PHACTR3: variants seen among roughly 807,000 people sequenced by gnomAD.
PHACTR3 encodes phosphatase and actin regulator 3.
A neutral mutation model predicts 66.8 loss-of-function variants in PHACTR3; 16 were observed. That is an observed-to-expected ratio of 0.24 (90% confidence interval 0.16 to 0.36). The LOEUF is 0.36. Ranked by LOEUF, PHACTR3 falls within the 10% of genes least tolerant of loss-of-function variation. The pLI is 1.00. For missense variants in PHACTR3, 647 were observed against 719.9 expected (o/e 0.90, Z 1.16); for synonymous variants, 323 against 292.1 (o/e 1.11, Z -1.08).
chr20:59,846,187 A>C (rs778117631), intron 12 of PHACTR3, among the ~76,000 whole-genome samples: 10 of 152,144 alleles, frequency 6.6e-5, no homozygotes, highest in Non-Finnish European at 1.0e-4. Flanking sequence ...TTAAACTAAA[A>C]TAATAGCTTT....
At chr20:59,626,175 C>T (rs1337328615) in intron 1 of PHACTR3, among the ~76,000 whole-genome samples, 1 of 152,214 alleles carries the variant, frequency 6.6e-6, no homozygotes, top group Non-Finnish European at 1.5e-5. Flanking sequence ...TTACTGGACA[C>T]CTGTTTTAAG....
At chr20:59,629,902 C>G (rs1376725757) in intron 1 of PHACTR3, among the ~76,000 whole-genome samples, 1 of 152,164 alleles carries the variant, frequency 6.6e-6, no homozygotes, top group Non-Finnish European at 1.5e-5. Flanking sequence ...CATTAAATGA[C>G]ACCCGTGGGT....
Position 59,820,354 on chromosome 20 carries a change from C to T in PHACTR3, c.1328+14160C>T, listed in dbSNP as rs1463424480. Among the ~76,000 whole-genome samples, 1 of 152,194 alleles carries T rather than the reference C, an allele frequency of 6.6e-6. No individual in the cohort carries two copies. Among genetic ancestry groups the T allele is most frequent in the Non-Finnish European group, 1.5e-5 (1 of 68,038 alleles). On this transcript the variant is annotated intron_variant, in intron 8 of 12. Coordinates refer to ENST00000371015, the MANE Select transcript of PHACTR3 (RefSeq NM_080672.5). The surrounding 1 kb of genome is among the most constrained non-coding windows in gnomAD (Gnocchi z 4.6). ...AGGGGCCTGGTAGTCCTGCAAAGGC[C>T]GGGGCAGGCAAGGCCAGCACGGATC...
rs1268242432 is a variant in PHACTR3, at chr20:59,723,046, TTCTTTCTTTCTTTC to T, written c.119-20045_119-20032del. On this transcript the variant is annotated intron_variant, in intron 1 of 12. Transcript: ENST00000371015. ...TTTTCTTTTTTATTTATTTCTCTTT[TTCTTTCTTTCTTTC>T]TCTTTCTTTCTTTCTTTCTTTCTTT... Among the ~76,000 whole-genome samples, 16 of 146,350 alleles carry T rather than the reference TTCTTTCTTTCTTTC, an allele frequency of 1.1e-4. 1 individual carries two copies. Among genetic ancestry groups the T allele is most frequent in the South Asian group, 4.4e-4 (2 of 4,542 alleles).
At chr20:59,760,315 C>T (rs941404819) in intron 4 of PHACTR3, among the ~76,000 whole-genome samples, 15 of 152,108 alleles carry the variant, frequency 9.9e-5, no homozygotes, top group Admixed American at 3.3e-4. Context: ...GTGTTTGGGG[C>T]GACTTTGCTT....
chr20:59,683,936 G>A (rs118103714), intron 1 of PHACTR3, among the ~76,000 whole-genome samples: 4,273 of 152,308 alleles, frequency 0.028, 78 homozygotes, highest in Middle Eastern at 0.065. Context: ...TCTGCTAGAG[G>A]TTGGGTTTGC....
In PHACTR3 at chr20:59,744,497, C is replaced by CG. The variant is rs1011837804; in HGVS notation, c.280+1235dup. 1.2e-4 allele frequency among the ~76,000 whole-genome samples: 19 copies of CG among 152,262 alleles called. 1 individual carries two copies. Among genetic ancestry groups the CG allele is most frequent in the Admixed American group, 1.0e-3 (16 of 15,292 alleles). On this transcript the variant is annotated intron_variant, in intron 2 of 12. Coordinates refer to ENST00000371015, the MANE Select transcript of PHACTR3 (RefSeq NM_080672.5). ...GAGTGCCCGTCTCAGGCTGTTGCCT[C>CG]GGGGGGTCCCTGGGGTCCCATTTCC... is the stretch of plus-strand genomic sequence containing the variant.
intron 1 of PHACTR3, among the ~76,000 whole-genome samples, chr20:59,620,071 A>G (rs1457436130): frequency 6.6e-6 from 1 of 152,098 alleles, no homozygotes; most frequent in Non-Finnish European, 1.5e-5. Flanking sequence ...CACTCACCCT[A>G]AACCCGGTGT....
chr20:59,701,026 A>G (rs2037489729), intron 1 of PHACTR3, among the ~76,000 whole-genome samples: 1 of 152,154 alleles, frequency 6.6e-6, no homozygotes, highest in Admixed American at 6.5e-5. Flanking sequence ...TCCTGGGCTC[A>G]TGTGATCCTC....
intron 1 of PHACTR3, among the ~76,000 whole-genome samples, chr20:59,702,562 G>A (rs11905083): frequency 0.043 from 6,558 of 152,254 alleles, 474 homozygotes; most frequent in African/African-American, 0.15. Context: ...TCTCTGAAGT[G>A]GCCTTGCCTG....
chr20:59,654,142 T>C (rs2035542855), intron 1 of PHACTR3, among the ~76,000 whole-genome samples: 1 of 152,218 alleles, frequency 6.6e-6, no homozygotes, highest in Admixed American at 6.5e-5. Flanking sequence ...AATCTGTGCC[T>C]TCAGATGGTA....
rs1043884472 is a variant in PHACTR3 at position 59,579,894 on chromosome 20, C to T, written c.109+2277C>T. Among the ~76,000 whole-genome samples, 23 of 152,058 alleles carry T rather than the reference C, an allele frequency of 1.5e-4. No homozygotes were observed. In the East Asian group the frequency reaches 1.6e-3, roughly 10 times the overall value. On this transcript the variant is annotated intron_variant, in intron 1 of 12. Transcript: ENST00000359926. ...TTTATGGGGGTGTGGAAGGCTTGGT[C>T]GGGGAGGAGGGAGACTGGCCGGAGG...
At chr20:59,598,455 G>A (rs1169341121) in intron 1 of PHACTR3, among the ~76,000 whole-genome samples, 1 of 152,174 alleles carries the variant, frequency 6.6e-6, no homozygotes, top group Non-Finnish European at 1.5e-5. Flanking sequence ...TGGGTCTGTG[G>A]CTCCTGCCCT....
intron 1 of PHACTR3, among the ~76,000 whole-genome samples, chr20:59,641,315 G>T (rs2045342758): frequency 6.6e-6 from 1 of 151,996 alleles, no homozygotes; most frequent in African/African-American, 2.4e-5. Context: ...TGTATTAGAA[G>T]GAATTGGCCT....
At chr20:59,810,416 G>A (rs776023447) in intron 8 of PHACTR3, among the ~76,000 whole-genome samples, 26 of 152,330 alleles carry the variant, frequency 1.7e-4, no homozygotes, top group Non-Finnish European at 2.8e-4. Context: ...AAACAGCAGC[G>A]GAGTAGCAGC....
In PHACTR3 at chr20:59,607,548, A is replaced by G. The variant is rs78540048; in HGVS notation, c.118+2416A>G. On this transcript the variant is annotated intron_variant, in intron 1 of 12. Coordinates refer to ENST00000371015, the MANE Select transcript of PHACTR3 (RefSeq NM_080672.5). ...TCCCCTGCAAAGGCATTTTTAATGC[A>G]TCAGTATTTGCAAAGACTCAAAGCA... Among the ~76,000 whole-genome samples the G allele has an allele frequency of 2.5e-3, 382 of 152,374 alleles. 3 individuals are homozygous for G. Among genetic ancestry groups the G allele is most frequent in the African/African-American group, 8.7e-3 (361 of 41,594 alleles).
intron 8 of PHACTR3, among the ~76,000 whole-genome samples, chr20:59,807,793 A>T (rs1485218009): frequency 6.6e-6 from 1 of 152,230 alleles, no homozygotes. Context: ...TATGTGTCGT[A>T]TATGTCGTGT....
At chr20:59,809,912 A>G (rs2041684364) in intron 8 of PHACTR3, among the ~76,000 whole-genome samples, 1 of 152,146 alleles carries the variant, frequency 6.6e-6, no homozygotes, top group Non-Finnish European at 1.5e-5. Flanking sequence ...GATGTGCTTT[A>G]TGGTTCGCAC....
chr20:59,582,887 G>C (rs765555773), intron 1 of PHACTR3, among the ~76,000 whole-genome samples: 1 of 152,088 alleles, frequency 6.6e-6, no homozygotes, highest in Non-Finnish European at 1.5e-5. Flanking sequence ...GGTGTCCTTG[G>C]TTGATAGAAG....
Sources: allele counts gnomAD v4.1 joint callset (sites outside exome capture counted in the v4.1 genomes callset), GRCh38; gene constraint gnomAD v4.1.1; non-coding constraint Gnocchi (gnomAD v3.1); transcripts MANE v1.5; gene names NCBI Gene and HGNC (gene_info 2026-07-23, HGNC 2026-07-21).